PNPLA7: variants seen among roughly 807,000 people sequenced by gnomAD.
PNPLA7 encodes the protein patatin like domain 7, lysophospholipase, also known as patatin-like phospholipase domain-containing protein 7.
In PNPLA7, 153 loss-of-function variants were observed where a neutral mutation model predicts 161.7. The ratio of observed to expected loss-of-function variants is 0.95; its 90% CI spans 0.83 to 1.08. PNPLA7 has a LOEUF of 1.08. PNPLA7 is among the 50% of genes least tolerant of loss of function. PNPLA7 has a pLI of 0.00. For missense variants in PNPLA7, 1,739 were observed against 1,856.6 expected, an observed-to-expected ratio of 0.94 and a Z score of 1.16; for synonymous variants, 809 against 782.1, an observed-to-expected ratio of 1.03 and a Z score of -0.57.
At chr9:137,491,548 G>A (rs992158817) in intron 20 of PNPLA7, 1 of 985,306 alleles carries the variant, frequency 1.0e-6, no homozygotes, top group African/African-American at 1.7e-5. Flanking sequence ...CACAGTGCAG[G>A]TAAGTGGAGA....
intron 11 of PNPLA7, among the ~76,000 whole-genome samples, chr9:137,517,009 C>T (rs1230565449): frequency 8.7e-6 from 1 of 115,308 alleles, no homozygotes; most frequent in African/African-American, 3.5e-5. Flanking sequence ...CTCCATCCCC[C>T]ACTCACTCCA....
At chr9:137,471,460 G>C (rs1409615915) in intron 25 of PNPLA7, among the ~76,000 whole-genome samples, 1 of 151,922 alleles carries the variant, frequency 6.6e-6, no homozygotes, top group Non-Finnish European at 1.5e-5. Context: ...TTAGCCGGGC[G>C]TGGTGGCAGG....
intron 11 of PNPLA7, chr9:137,516,400 C>T (rs1011045048): frequency 1.4e-5 from 14 of 985,096 alleles, no homozygotes; most frequent in Middle Eastern, 5.2e-4. Flanking sequence ...GGCCCATGAG[C>T]ACCCCCGGCC....
intron 21 of PNPLA7, among the ~76,000 whole-genome samples, chr9:137,481,710 C>A (rs895555792): frequency 1.3e-5 from 2 of 152,160 alleles, no homozygotes. Context: ...CGCCTGTAAT[C>A]CCAGCACTTT....
Position 137,497,196 on chromosome 9 carries a change from G to C in PNPLA7, c.2004C>G (p.Leu668=). The change falls in exon 18 of 35, where the codon CTC becomes CTG. Residue 668 remains leucine (L), a synonymous_variant. Coordinates refer to ENST00000406427, the MANE Select transcript of PNPLA7 (RefSeq NM_001098537.3). Reference sequence around the variant, plus strand: ...AGGGCCCAGCACCTACCACGCCGACGAGGTCTCCTCGGCCGTACTCCCCGG... The same window carrying C: ...AGGGCCCAGCACCTACCACGCCGACCAGGTCTCCTCGGCCGTACTCCCCGG... The part of the protein sequence containing the change: ...RLAGEYGRGD[L]VGVVETLTHQ... 6.3e-7 allele frequency: 1 copy of C among 1,581,894 alleles called. No individual in the cohort carries two copies. The highest frequency in any genetic ancestry group is 8.6e-7 in the Non-Finnish European group (1 of 1,165,764).
At chr9:137,482,559 TGCCGGCAA>T (rs2132156095) in intron 21 of PNPLA7, among the ~76,000 whole-genome samples, 1 of 152,358 alleles carries the variant, frequency 6.6e-6, no homozygotes, top group South Asian at 2.1e-4. Context: ...GATCCAGGGC[TGCCGGCAA>T]GCCGGGGTGC....
At position 137,461,964 on chromosome 9, in the gene PNPLA7, G is replaced by A; in HGVS notation, c.3723C>T (p.Asp1241=). 2 of 1,595,616 alleles carry A rather than the reference G, an allele frequency of 1.3e-6. No homozygotes were observed. Among genetic ancestry groups the A allele is most frequent in the Non-Finnish European group, 1.7e-6 (2 of 1,174,720 alleles). ...CGGGCTTCTTGCTCGGCCCCTGCTGGTCGCGGAGCATCTTCTCCAGCACGC... is the reference window on the plus strand; with the variant it reads ...CGGGCTTCTTGCTCGGCCCCTGCTGATCGCGGAGCATCTTCTCCAGCACGC... ...RSGVLEKMLR[D]QQGPSKKPAS... Residue 1241 remains aspartate (D), a synonymous_variant, in exon 32 of 35, where the codon GAC becomes GAT. Transcript: ENST00000406427.
chr9:137,519,871 C>G (rs752469371), intron 11 of PNPLA7, 46 bp downstream of exon 11: 3 of 1,579,828 alleles, frequency 1.9e-6, no homozygotes, highest in Non-Finnish European at 1.7e-6. Context: ...GCAGGATCCC[C>G]CGGACTCTGG....
At chr9:137,479,625 AGCCCAGGCAG>A in intron 23 of PNPLA7, 5 of 985,476 alleles carry the variant, frequency 5.1e-6, no homozygotes, top group Non-Finnish European at 6.0e-6. Flanking sequence ...CCCCAGGATT[AGCCCAGGCAG>A]GCTTGTGATG....
Position 137,505,685 on chromosome 9 carries a change from G to T in PNPLA7, c.1402C>A (p.Leu468Met). 6.2e-7 allele frequency: 1 copy of T among 1,614,116 alleles called. No individual in the cohort carries two copies. The highest frequency in any genetic ancestry group is 8.5e-7 in the Non-Finnish European group (1 of 1,180,032). ...ATGGCATCCGACTTCCTGCTGGCCA[G>T]GGTCTCATCCGTGTGACTCTCTGAG... ...QHSESHTDET[L>M]ASRKSDAIFR... The change falls in exon 14 of 35, where the codon CTG becomes ATG. Residue 468 changes from leucine (L) to methionine (M), a missense_variant. Physicochemically the swap from Leu to Met is conservative, Grantham distance 15. This residue lies in a region of PNPLA7 where 481 missense variants were observed against 450.0 expected (regional missense o/e 1.07). Transcript: ENST00000406427.
At chr9:137,519,872 C>T (rs758155559) in intron 11 of PNPLA7, 45 bp downstream of exon 11, 46 of 1,579,836 alleles carry the variant, frequency 2.9e-5, no homozygotes, top group South Asian at 1.8e-4. Flanking sequence ...CAGGATCCCC[C>T]GGACTCTGGG....
chr9:137,523,180 C>T lies in PNPLA7; in HGVS notation c.748-323G>A, dbSNP rs1460377794. 6.6e-6 allele frequency among the ~76,000 whole-genome samples: 1 copy of T among 152,176 alleles called. No homozygotes were observed. The highest frequency in any genetic ancestry group is 6.5e-5 in the Admixed American group (1 of 15,284). ...CCACCTGCCACTGAGGCTCACGGACCAGCTCACCAGCGTCCTACTCTACGT... is the reference window on the plus strand; with the variant it reads ...CCACCTGCCACTGAGGCTCACGGACTAGCTCACCAGCGTCCTACTCTACGT... On this transcript the variant is annotated intron_variant, in intron 8 of 34. Transcript: ENST00000406427. The surrounding 1 kb of genome is among the most constrained non-coding windows in gnomAD (Gnocchi z 4.4).
At chr9:137,511,843 T>C (rs1000670935) in intron 12 of PNPLA7, among the ~76,000 whole-genome samples, 3 of 152,310 alleles carry the variant, frequency 2.0e-5, no homozygotes, top group Middle Eastern at 3.4e-3. Context: ...GATAAGTGCA[T>C]AGAAGAAATG....
At chr9:137,546,995 C>G in intron 3 of PNPLA7, 86 bp from the exon 4 acceptor site, 1 of 1,290,688 alleles carries the variant, frequency 7.7e-7, no homozygotes, top group South Asian at 1.2e-5. Flanking sequence ...GTCAGTCATA[C>G]TCTCGTCCCT....
intron 25 of PNPLA7, among the ~76,000 whole-genome samples, chr9:137,475,023 A>AAAAAAAAAAAAAAAAAAAAAAAAAAAC (rs1831883109): frequency 6.6e-6 from 1 of 150,732 alleles, no homozygotes; most frequent in African/African-American, 2.4e-5. Flanking sequence ...AAAAAAAAAA[A>AAAAAAAAAAAAAAAAAAAAAAAAAAAC]AAAAAAAAAG....
Position 137,497,287 on chromosome 9 carries a change from G to C in PNPLA7, c.1913C>G (p.Thr638Arg). ...IYRQGDKSDCTYIMLSGRLRS... is the reference protein window; with the variant it reads ...IYRQGDKSDCRYIMLSGRLRS... The stretch of plus-strand genomic sequence containing the variant: ...CAGCCGGCCGCTGAGCATGATGTAC[G>C]TGCAGTCGGACTTGTCCCCCTGCCT... The change falls in exon 18 of 35, where the codon ACG (threonine) becomes AGG (arginine). Residue 638 changes from threonine (T) to arginine (R), a missense_variant. This residue lies in a region of PNPLA7 where 481 missense variants were observed against 450.0 expected (regional missense o/e 1.07). Coordinates refer to ENST00000406427, the MANE Select transcript of PNPLA7 (RefSeq NM_001098537.3). 1.1e-5 allele frequency: 18 copies of C among 1,580,614 alleles called. No homozygotes were observed. The highest frequency in any genetic ancestry group is 1.5e-5 in the Non-Finnish European group (18 of 1,164,198).
intron 20 of PNPLA7, 127 bp from the exon 21 acceptor site, chr9:137,484,863 G>C (rs1832391419): frequency 1.7e-6 from 2 of 1,174,084 alleles, no homozygotes. Context: ...TGGCCCTCCC[G>C]CCTCCCCAGT....
rs144362221 is a variant in PNPLA7, at chr9:137,542,752, T to A, written c.556A>T (p.Ile186Phe). ...KPLFLELCKH[I>F]VFVQLQEGEH... ...CCTTCCTGCAGCTGCACAAAGACGA[T>A]GTGTTTGCAAAGCTCCAGGAACAGC... Residue 186 changes from isoleucine (I) to phenylalanine (F), a missense_variant, in exon 7 of 35, where the codon ATC becomes TTC. Transcript: ENST00000406427. The A allele has an allele frequency of 6.2e-7, 1 of 1,613,730 alleles. No individual in the cohort carries two copies. Among genetic ancestry groups the A allele is most frequent in the East Asian group, 2.2e-5 (1 of 44,862 alleles).
chr9:137,466,656 C>T (rs1305148560), intron 26 of PNPLA7, among the ~76,000 whole-genome samples: 1 of 147,410 alleles, frequency 6.8e-6, no homozygotes, highest in Non-Finnish European at 1.5e-5. Flanking sequence ...CACCTCAGAC[C>T]CGGGCACGGA....
Sources: allele counts gnomAD v4.1 joint callset (sites outside exome capture counted in the v4.1 genomes callset), GRCh38; gene constraint gnomAD v4.1.1; regional missense constraint gnomAD v4.1.1; non-coding constraint Gnocchi (gnomAD v3.1); transcripts MANE v1.5; gene names NCBI Gene and HGNC (gene_info 2026-07-23, HGNC 2026-07-21).